Variants in ZNF487 observed in about 807,000 individuals in gnomAD.
ZNF487 encodes the protein zinc finger protein 487.
In ZNF487, 4 loss-of-function variants were observed where a neutral mutation model predicts 3.0. That is an observed-to-expected ratio of 1.35 (90% confidence interval 0.66 to 3.08). The LOEUF (loss-of-function observed/expected upper bound fraction) is 3.08, where lower values mean the gene tolerates loss of function less well. ZNF487 is among the 30% of genes most tolerant of loss of function. ZNF487 has a pLI of 0.01. For missense variants in ZNF487, 146 were observed against 98.7 expected (o/e 1.48, Z -2.03); for synonymous variants, 55 against 34.6 (o/e 1.59, Z -2.06).
chr10:43,501,403 A>G, the ZNF487 span, among the ~76,000 whole-genome samples: 1 of 152,150 alleles, frequency 6.6e-6, no homozygotes, highest in African/African-American at 2.4e-5. Context: ...CTTCAACAAT[A>G]TATTAATTTT....
chr10:43,440,047 T>G (rs1015141073), intron 1 of ZNF487, among the ~76,000 whole-genome samples: 20 of 65,964 alleles, frequency 3.0e-4, no homozygotes, highest in Non-Finnish European at 8.0e-4. Context: ...GTTTTATATA[T>G]ATATATATTT....
At chr10:43,459,349 C>A (rs1022496639) in intron 1 of ZNF487, among the ~76,000 whole-genome samples, 1 of 152,128 alleles carries the variant, frequency 6.6e-6, no homozygotes, top group African/African-American at 2.4e-5. Context: ...CCTGCCTCAG[C>A]CTCCCAAGTA....
At chr10:43,469,506 T>C (rs1252412549) in intron 1 of ZNF487, among the ~76,000 whole-genome samples, 1 of 152,044 alleles carries the variant, frequency 6.6e-6, no homozygotes, top group African/African-American at 2.4e-5. Context: ...ATTTATTTAT[T>C]TATTTTTTTA....
At chr10:43,491,017 C>A in the ZNF487 span, among the ~76,000 whole-genome samples, 1 of 123,194 alleles carries the variant, frequency 8.1e-6, no homozygotes, top group East Asian at 2.4e-4. Context: ...CTCACTCTGT[C>A]TCCTGGGGGC....
the ZNF487 span, among the ~76,000 whole-genome samples, chr10:43,517,471 A>G: frequency 6.6e-6 from 1 of 151,902 alleles, no homozygotes; most frequent in Non-Finnish European, 1.5e-5. Context: ...CTCCTCAAAG[A>G]CTCCTTTACC....
chr10:43,522,861 T>C, the ZNF487 span, among the ~76,000 whole-genome samples: 103,224 of 151,726 alleles, frequency 0.68, 35,463 homozygotes, highest in East Asian at 1. Context: ...CTTAATTTTT[T>C]CTTTGCCGTC....
chr10:43,495,400 C>A, the ZNF487 span, among the ~76,000 whole-genome samples: 2 of 152,014 alleles, frequency 1.3e-5, no homozygotes, highest in Non-Finnish European at 2.9e-5. Flanking sequence ...TATGCCGCCA[C>A]ACCCAGCTAA....
chr10:43,465,097 C>A (rs1840629126), intron 1 of ZNF487, among the ~76,000 whole-genome samples: 1 of 137,390 alleles, frequency 7.3e-6, no homozygotes, highest in East Asian at 2.4e-4. Flanking sequence ...GGGGGGCTGA[C>A]CCCCCCACCT....
chr10:43,447,985 A>ATTTTTTTT lies in ZNF487; in HGVS notation c.-94+10738_-94+10745dup, dbSNP rs71016768. ...TCTGATGTTCAGGGTCTTGGAAACCATTTTTTTTTTTTTTTTTTTTTTGAG... is the reference window on the plus strand; with the variant it reads ...TCTGATGTTCAGGGTCTTGGAAACCATTTTTTTTTTTTTTTTTTTTTTTTTTTTTTGAG... On this transcript the variant is annotated intron_variant, in intron 1 of 3. Coordinates refer to ENST00000437590, the MANE Select transcript of ZNF487 (RefSeq NM_001355444.3). Among the ~76,000 whole-genome samples, 6 of 100,148 alleles carry ATTTTTTTT rather than the reference A, an allele frequency of 6.0e-5. 1 individual carries two copies. Among genetic ancestry groups the ATTTTTTTT allele is most frequent in the African/African-American group, 8.1e-5 (2 of 24,666 alleles). 65.7% of individuals were successfully genotyped at this position (100,148 alleles called of 152,430 possible).
downstream of ZNF487, among the ~76,000 whole-genome samples, chr10:43,488,098 T>C (rs1346431077): frequency 2.0e-5 from 3 of 150,984 alleles, no homozygotes; most frequent in Non-Finnish European, 4.4e-5. Flanking sequence ...CAAGACCCTG[T>C]CTCAAAAAAA....
chr10:43,519,922 A>C, the ZNF487 span, among the ~76,000 whole-genome samples: 1 of 152,148 alleles, frequency 6.6e-6, no homozygotes, highest in African/African-American at 2.4e-5. Flanking sequence ...TGCCCTTTTC[A>C]TTCTAGTGTG....
the ZNF487 span, among the ~76,000 whole-genome samples, chr10:43,521,881 A>G: frequency 6.7e-6 from 1 of 149,172 alleles, no homozygotes; most frequent in African/African-American, 2.5e-5. Context: ...ATTATATATT[A>G]TATGTATATG....
the ZNF487 span, among the ~76,000 whole-genome samples, chr10:43,503,140 T>G: frequency 7.2e-5 from 11 of 152,038 alleles, no homozygotes; most frequent in Admixed American, 7.2e-4. Context: ...TGTGTGTTAA[T>G]TGCCCTTGAA....
chr10:43,447,534 G>A (rs558560845), intron 1 of ZNF487, among the ~76,000 whole-genome samples: 13 of 152,288 alleles, frequency 8.5e-5, no homozygotes, highest in South Asian at 2.1e-4. Context: ...GAGCCACCAC[G>A]CACAGCCTGA....
the ZNF487 span, among the ~76,000 whole-genome samples, chr10:43,504,858 C>T: frequency 1.3e-5 from 2 of 151,976 alleles, no homozygotes; most frequent in African/African-American, 4.8e-5. Flanking sequence ...AGGCACCTGC[C>T]ACCACGCCTG....
chr10:43,490,106 T>C, the ZNF487 span, among the ~76,000 whole-genome samples: 11 of 152,290 alleles, frequency 7.2e-5, no homozygotes, highest in South Asian at 2.3e-3. Flanking sequence ...CCCAGCACTT[T>C]GAGAGGCCGA....
chr10:43,467,094 T>C (rs1215046120), intron 1 of ZNF487, among the ~76,000 whole-genome samples: 3 of 152,004 alleles, frequency 2.0e-5, no homozygotes, highest in East Asian at 1.9e-4. Context: ...AGGCTGGTCT[T>C]GAACTCTTGT....
At chr10:43,489,209 C>T in the ZNF487 span, among the ~76,000 whole-genome samples, 1 of 151,068 alleles carries the variant, frequency 6.6e-6, no homozygotes, top group Non-Finnish European at 1.5e-5. Context: ...GGTGCAGTGG[C>T]TCATGCCAAG....
At chr10:43,480,789 A>C (rs1205705680) in intron 3 of ZNF487, among the ~76,000 whole-genome samples, 1 of 151,202 alleles carries the variant, frequency 6.6e-6, no homozygotes, top group African/African-American at 2.4e-5. Context: ...ATTTTCTTCC[A>C]TTAATTGCAA....
Sources: allele counts gnomAD v4.1 joint callset (sites outside exome capture counted in the v4.1 genomes callset), GRCh38; gene constraint gnomAD v4.1.1; transcripts MANE v1.5; gene names NCBI Gene and HGNC (gene_info 2026-07-23, HGNC 2026-07-21).